Variants in NUBPL observed in about 807,000 individuals in gnomAD.
The protein encoded by NUBPL is NUBP iron-sulfur cluster assembly factor, mitochondrial, also known as iron-sulfur cluster transfer protein NUBPL.
NUBPL carries 31 observed loss-of-function variants against 45.7 expected under a neutral mutation model. That is an observed-to-expected ratio of 0.68 (90% confidence interval 0.51 to 0.92). The LOEUF (loss-of-function observed/expected upper bound fraction) is 0.92. NUBPL is among the 40% of genes least tolerant of loss of function. The probability of loss-of-function intolerance (pLI) is 0.00; values close to 1 mark genes in which losing one functional copy is unlikely to be tolerated. For missense variants in NUBPL, 401 were observed against 398.7 expected, an observed-to-expected ratio of 1.01 and a Z score of -0.05; for synonymous variants, 144 against 140.9, an observed-to-expected ratio of 1.02 and a Z score of -0.15.
chr14:31,653,580 C>G (rs1481280164), intron 4 of NUBPL, among the ~76,000 whole-genome samples: 1 of 152,156 alleles, frequency 6.6e-6, no homozygotes, highest in African/African-American at 2.4e-5. Context: ...TTTCCTTGTT[C>G]CCTGAAAATC....
chr14:31,808,047 C>A (rs571689287), intron 7 of NUBPL, among the ~76,000 whole-genome samples: 1 of 152,186 alleles, frequency 6.6e-6, no homozygotes, highest in Non-Finnish European at 1.5e-5. Context: ...AGTTTGAAGT[C>A]AGGTGGCGTG....
At chr14:31,784,038 CA>C (rs1346043365) in intron 6 of NUBPL, among the ~76,000 whole-genome samples, 2 of 151,998 alleles carry the variant, frequency 1.3e-5, no homozygotes, top group Admixed American at 6.6e-5. Context: ...CTGAAGTAAT[CA>C]AAAGGATCAG....
intron 4 of NUBPL, among the ~76,000 whole-genome samples, chr14:31,620,888 A>C (rs1486509174): frequency 1.3e-5 from 2 of 152,114 alleles, no homozygotes; most frequent in Admixed American, 6.5e-5. Flanking sequence ...CCACAGCCGC[A>C]CCTTCCCCCA....
rs112080259 is a variant in NUBPL at position 31,750,184 on chromosome 14, T to A, written c.514-37596T>A. Reference sequence around the variant, plus strand: ...TCTTACAATCATTATTATTATTTTTTTTTTTTTTGAGACGGAGTCTTGCTC... The same window carrying A: ...TCTTACAATCATTATTATTATTTTTATTTTTTTTGAGACGGAGTCTTGCTC... On this transcript the variant is annotated intron_variant, in intron 6 of 10. Transcript: ENST00000281081. 3.1e-4 allele frequency among the ~76,000 whole-genome samples: 46 copies of A among 149,942 alleles called. 1 individual carries two copies. Among genetic ancestry groups the A allele is most frequent in the East Asian group, 1.9e-3 (10 of 5,144 alleles).
At chr14:31,660,689 G>T (rs1240733009) in intron 4 of NUBPL, among the ~76,000 whole-genome samples, 1 of 152,088 alleles carries the variant, frequency 6.6e-6, no homozygotes, top group African/African-American at 2.4e-5. Context: ...AATGCTTCTA[G>T]TTAAATGATT....
At chr14:31,619,302 T>C (rs1378832409) in intron 4 of NUBPL, among the ~76,000 whole-genome samples, 2 of 152,216 alleles carry the variant, frequency 1.3e-5, no homozygotes, top group Admixed American at 1.3e-4. Context: ...TTAATATTGT[T>C]ATGTGTGAAT....
At chr14:31,818,605 T>C (rs2138938219) in intron 7 of NUBPL, among the ~76,000 whole-genome samples, 1 of 152,190 alleles carries the variant, frequency 6.6e-6, no homozygotes, top group South Asian at 2.1e-4. Flanking sequence ...GGACTGCAGT[T>C]CACTGCGATC....
intron 8 of NUBPL, chr14:31,845,657 A>G (rs113791448): frequency 0.1 from 15,551 of 152,868 alleles, 973 homozygotes; most frequent in Non-Finnish European, 0.14. Flanking sequence ...GCGAAACTCC[A>G]TCTCAGAAAC....
At chr14:31,790,982 A>C (rs908576821) in intron 7 of NUBPL, among the ~76,000 whole-genome samples, 6 of 151,442 alleles carry the variant, frequency 4.0e-5, no homozygotes, top group African/African-American at 1.5e-4. Context: ...GAAAGATTGC[A>C]TTAATGCCAG....
intron 3 of NUBPL, among the ~76,000 whole-genome samples, chr14:31,576,054 G>C (rs1405048416): frequency 6.6e-6 from 1 of 152,126 alleles, no homozygotes; most frequent in African/African-American, 2.4e-5. Context: ...AAGCAAAACT[G>C]TTTACTAAAA....
At chr14:31,817,749 C>T (rs559480746) in intron 7 of NUBPL, among the ~76,000 whole-genome samples, 1 of 152,258 alleles carries the variant, frequency 6.6e-6, no homozygotes, top group East Asian at 1.9e-4. Context: ...GAAACTGCAT[C>T]AACTAATGGG....
At chr14:31,805,190 T>G (rs112557216) in intron 7 of NUBPL, among the ~76,000 whole-genome samples, 1 of 152,086 alleles carries the variant, frequency 6.6e-6, no homozygotes, top group Non-Finnish European at 1.5e-5. Context: ...ACTAGAGAAA[T>G]GCAAATCAAA....
chr14:31,814,062 G>C (rs1337167951), intron 7 of NUBPL, among the ~76,000 whole-genome samples: 2 of 152,150 alleles, frequency 1.3e-5, no homozygotes, highest in Non-Finnish European at 2.9e-5. Flanking sequence ...CAATGGGATT[G>C]CTGGGTCAAT....
intron 6 of NUBPL, among the ~76,000 whole-genome samples, chr14:31,735,789 T>C (rs2038153131): frequency 2.6e-5 from 4 of 152,134 alleles, no homozygotes; most frequent in Admixed American, 2.6e-4. Flanking sequence ...CAGGTGGAAG[T>C]TGCAGTTAGT....
chr14:31,650,376 G>A (rs1303761810), intron 4 of NUBPL, among the ~76,000 whole-genome samples: 4 of 143,578 alleles, frequency 2.8e-5, no homozygotes, highest in African/African-American at 5.3e-5. Flanking sequence ...TGCAAGCTCC[G>A]CCTCCCAGGT....
intron 6 of NUBPL, among the ~76,000 whole-genome samples, chr14:31,726,274 C>T (rs943490713): frequency 6.6e-6 from 1 of 152,046 alleles, no homozygotes; most frequent in African/African-American, 2.4e-5. Context: ...ATTATTTTAG[C>T]CTTTAGGAGA....
intron 3 of NUBPL, among the ~76,000 whole-genome samples, chr14:31,572,898 G>A (rs780934368): frequency 2.6e-5 from 4 of 152,144 alleles, no homozygotes; most frequent in Non-Finnish European, 5.9e-5. Context: ...GTAGACGTTT[G>A]TAACACAATG....
At chr14:31,637,643 T>C (rs2035545644) in intron 4 of NUBPL, among the ~76,000 whole-genome samples, 2 of 152,202 alleles carry the variant, frequency 1.3e-5, no homozygotes. Flanking sequence ...CTGGGTATCT[T>C]TGTTAACTTT....
chr14:31,742,595 T>C (rs2038309468), intron 6 of NUBPL, among the ~76,000 whole-genome samples: 1 of 152,128 alleles, frequency 6.6e-6, no homozygotes, highest in South Asian at 2.1e-4. Flanking sequence ...GCCATAATCC[T>C]AGGTTATCTC....
Sources: allele counts gnomAD v4.1 joint callset (sites outside exome capture counted in the v4.1 genomes callset), GRCh38; gene constraint gnomAD v4.1.1; transcripts MANE v1.5; gene names NCBI Gene and HGNC (gene_info 2026-07-23, HGNC 2026-07-21).